Variants in FGF1 observed in about 807,000 individuals in gnomAD.
The protein encoded by FGF1 is fibroblast growth factor 1, also known as beta-endothelial cell growth factor.
In FGF1, 9 loss-of-function variants were observed where a neutral mutation model predicts 13.4. The observed-to-expected ratio is 0.67, with a 90% confidence interval of 0.40 to 1.17. The LOEUF (loss-of-function observed/expected upper bound fraction) is 1.17, where lower values mean the gene tolerates loss of function less well. Among genes scored for constraint, FGF1 ranks in the 50% most tolerant of loss-of-function variants. The pLI is 0.01. For missense variants in FGF1, 156 were observed against 192.7 expected (o/e 0.81, Z 1.13); for synonymous variants, 93 against 79.0 (o/e 1.18, Z -0.94).
chr5:142,664,986 G>A (rs377642475), intron 1 of FGF1, among the ~76,000 whole-genome samples: 9 of 152,144 alleles, frequency 5.9e-5, no homozygotes, highest in Admixed American at 5.2e-4. Context: ...ATGTTAATGA[G>A]GATGATAAAA....
rs548889994 is a variant in FGF1 at position 142,646,542 on chromosome 5, G to A, written c.-34-32381C>T. ...TACTTTTTGTGTTTTTAGTAGAGGCGGGGTTTCGCCATGTTGGTCAGGCTA... is the reference window on the plus strand; with the variant it reads ...TACTTTTTGTGTTTTTAGTAGAGGCAGGGTTTCGCCATGTTGGTCAGGCTA... On this transcript the variant is annotated intron_variant, in intron 1 of 3. Transcript: ENST00000337706. 3.9e-5 allele frequency among the ~76,000 whole-genome samples: 6 copies of A among 152,022 alleles called. No homozygotes were observed. In the South Asian group the frequency reaches 6.2e-4, roughly 16 times the overall value.
At chr5:142,638,820 C>G (rs1764705092) in intron 1 of FGF1, among the ~76,000 whole-genome samples, 1 of 151,986 alleles carries the variant, frequency 6.6e-6, no homozygotes, top group South Asian at 2.1e-4. Context: ...ACCCAAACAA[C>G]TCAACAGTAA....
chr5:142,602,747 G>C (rs1756854795), intron 2 of FGF1, among the ~76,000 whole-genome samples: 2 of 151,952 alleles, frequency 1.3e-5, no homozygotes, highest in South Asian at 4.2e-4. Context: ...ACTAATTGTA[G>C]ATCTTTCTAC....
At chr5:142,642,054 T>G (rs1308342406) in intron 1 of FGF1, among the ~76,000 whole-genome samples, 1 of 152,088 alleles carries the variant, frequency 6.6e-6, no homozygotes, top group Non-Finnish European at 1.5e-5. Context: ...CTTTTGTAAG[T>G]AAAAAGAAAA....
intron 1 of FGF1, among the ~76,000 whole-genome samples, chr5:142,642,574 G>A (rs557047504): frequency 6.6e-6 from 1 of 152,326 alleles, no homozygotes; most frequent in South Asian, 2.1e-4. Context: ...GATGATCTGG[G>A]TAAAGGACAA....
chr5:142,633,412 G>GTA lies in FGF1; in HGVS notation c.-34-19253_-34-19252dup, dbSNP rs535826474. ...GACTTCTCTCTACTTCCTTTCTGATGTATATGTCTGCTCTTTAAGGTAGAA... is the reference window on the plus strand; with the variant it reads ...GACTTCTCTCTACTTCCTTTCTGATGTATATATGTCTGCTCTTTAAGGTAGAA... On this transcript the variant is annotated intron_variant, in intron 1 of 3. Transcript: ENST00000337706. Among the ~76,000 whole-genome samples, 602 of 152,288 alleles carry GTA rather than the reference G, an allele frequency of 4.0e-3. 2 individuals are homozygous for GTA. The highest frequency in any genetic ancestry group is 7.3e-3 in the Non-Finnish European group (498 of 68,026).
intron 1 of FGF1, among the ~76,000 whole-genome samples, chr5:142,638,393 A>G (rs1473986577): frequency 1.3e-5 from 2 of 151,992 alleles, no homozygotes; most frequent in South Asian, 2.1e-4. Context: ...CGCACTAGTT[A>G]TTTGAGTGTT....
intron 2 of FGF1, 51 bp from the exon 3 acceptor site, chr5:142,600,856 G>T (rs1054986355): frequency 7.3e-7 from 1 of 1,368,528 alleles, no homozygotes; most frequent in South Asian, 1.2e-5. Context: ...CGCTTTTGCC[G>T]ATAGGACCCG....
intron 1 of FGF1, among the ~76,000 whole-genome samples, chr5:142,658,079 G>T (rs903452967): frequency 6.6e-6 from 1 of 152,218 alleles, no homozygotes; most frequent in Non-Finnish European, 1.5e-5. Flanking sequence ...CACGGTGGAC[G>T]TCTTGCATTC....
intron 1 of FGF1, among the ~76,000 whole-genome samples, chr5:142,637,353 T>C (rs1226564646): frequency 6.7e-6 from 1 of 148,872 alleles, no homozygotes; most frequent in Non-Finnish European, 1.5e-5. Flanking sequence ...AGAGTCTTGC[T>C]CTGTCGCCCA....
Position 142,623,795 on chromosome 5 carries a change from G to A in FGF1, c.-34-9634C>T, listed in dbSNP as rs78487694. 1.1e-3 allele frequency among the ~76,000 whole-genome samples: 165 copies of A among 150,428 alleles called. 1 individual carries two copies. In the East Asian group the frequency reaches 0.027, roughly 24 times the overall value. On this transcript the variant is annotated intron_variant, in intron 1 of 3. Coordinates refer to ENST00000337706, the MANE Select transcript of FGF1 (RefSeq NM_000800.5). ...GTCTTGCTCTGTCACCCAGGCTGGA[G>A]TGCAGAGTGCAGTGTACACTCATGC...
chr5:142,666,671 T>C (rs551044390), intron 1 of FGF1, among the ~76,000 whole-genome samples: 1 of 152,266 alleles, frequency 6.6e-6, no homozygotes, highest in South Asian at 2.1e-4. Context: ...GGTATACCAG[T>C]TCACGCCTAC....
chr5:142,638,074 C>A (rs1764584175), intron 1 of FGF1, among the ~76,000 whole-genome samples: 1 of 152,002 alleles, frequency 6.6e-6, no homozygotes, highest in African/African-American at 2.4e-5. Context: ...GTGAACAAAG[C>A]CGGCAGAGCT....
At position 142,615,375 on chromosome 5, in the gene FGF1, C is replaced by G. The variant is rs1172322239; in HGVS notation, c.-34-1214G>C. On this transcript the variant is annotated intron_variant, in intron 1 of 3. Transcript: ENST00000337706. ...AGTAGCTGAGATTACAGGAATGCGCCACCACACCAGGCTAATTTTTATATT... is the reference window on the plus strand; with the variant it reads ...AGTAGCTGAGATTACAGGAATGCGCGACCACACCAGGCTAATTTTTATATT... Among the ~76,000 whole-genome samples, 10 of 152,298 alleles carry G rather than the reference C, an allele frequency of 6.6e-5. No homozygotes were observed. The South Asian group carries it at 8.3e-4, about 13-fold the overall frequency.
chr5:142,693,262 A>G (rs1752527766), intron 2 of FGF1, among the ~76,000 whole-genome samples: 1 of 151,854 alleles, frequency 6.6e-6, no homozygotes, highest in South Asian at 2.1e-4. Context: ...TTTCAATAGC[A>G]GTGGTTTGGG....
chr5:142,608,952 C>T (rs920998), intron 2 of FGF1, among the ~76,000 whole-genome samples: 12,700 of 151,798 alleles, frequency 0.084, 919 homozygotes, highest in African/African-American at 0.19. Flanking sequence ...CTGGAGACCT[C>T]CCCTTCTCTC....
chr5:142,661,878 C>G (rs1769303084), intron 1 of FGF1, among the ~76,000 whole-genome samples: 2 of 152,196 alleles, frequency 1.3e-5, no homozygotes, highest in Admixed American at 1.3e-4. Context: ...TGGCGGTTGC[C>G]TGTAGTCTCA....
chr5:142,696,736 C>T (rs1162827817), intron 2 of FGF1, among the ~76,000 whole-genome samples: 2 of 152,140 alleles, frequency 1.3e-5, no homozygotes, highest in Non-Finnish European at 2.9e-5. Context: ...TAAAAAAATC[C>T]TCTTTTTGCC....
intron 1 of FGF1, among the ~76,000 whole-genome samples, chr5:142,622,756 G>GTTCTT (rs1346314601): frequency 1.4e-4 from 21 of 152,352 alleles, no homozygotes; most frequent in African/African-American, 5.1e-4. Context: ...GAGGCAGTGT[G>GTTCTT]TTCTTTGCTT....
Sources: allele counts gnomAD v4.1 joint callset (sites outside exome capture counted in the v4.1 genomes callset), GRCh38; gene constraint gnomAD v4.1.1; transcripts MANE v1.5; gene names NCBI Gene and HGNC (gene_info 2026-07-23, HGNC 2026-07-21).